Variants in ABCC11 observed in about 807,000 individuals in gnomAD.
The protein encoded by ABCC11 is ATP binding cassette subfamily C member 11, also known as ATP-binding cassette sub-family C member 11.
ABCC11 carries 135 observed loss-of-function variants against 149.3 expected under a neutral mutation model. The ratio of observed to expected loss-of-function variants is 0.90; its 90% CI spans 0.79 to 1.04. ABCC11 has a LOEUF of 1.04. Among genes scored for constraint, ABCC11 ranks in the 50% least tolerant of loss-of-function variants. The probability of loss-of-function intolerance (pLI) is 0.00; values close to 1 mark genes in which losing one functional copy is unlikely to be tolerated. For missense variants in ABCC11, 1,680 were observed against 1,722.1 expected (o/e 0.98, Z 0.43); for synonymous variants, 665 against 671.4 (o/e 0.99, Z 0.15).
chr16:48,196,984 G>A (rs1005554070), intron 17 of ABCC11, among the ~76,000 whole-genome samples: 11 of 148,704 alleles, frequency 7.4e-5, no homozygotes, highest in Middle Eastern at 3.4e-3. Flanking sequence ...AATCCTGAGG[G>A]AAATTACACC....
chr16:48,216,174 G>A lies in ABCC11; in HGVS notation c.891C>T (p.Phe297=). 6.2e-7 allele frequency: 1 copy of A among 1,614,194 alleles called. No individual in the cohort carries two copies. The highest frequency in any genetic ancestry group is 8.5e-7 in the Non-Finnish European group (1 of 1,180,022). ...SLVICSISSY[F]IIGYTAFIAI... ...CAATAAATGCAGTGTATCCAATAAT[G>A]AAGTAGGAAGAAATGCTGCAGATGA... is the stretch of plus-strand genomic sequence containing the variant. Residue 297 remains phenylalanine, a synonymous_variant, in exon 7 of 30, where the codon TTC becomes TTT. Coordinates refer to ENST00000356608, the MANE Select transcript of ABCC11 (RefSeq NM_001370497.1).
In ABCC11 at chr16:48,205,329, T is replaced by C. The variant is rs958707688; in HGVS notation, c.1805+84A>G. On this transcript the variant is annotated intron_variant, in intron 13 of 29. Transcript: ENST00000356608. ...AAGTGGAGCACACAAGTGTTAGCAGTTGTCAGGTTACCGTTTGAAGCTGGA... is the reference window on the plus strand; with the variant it reads ...AAGTGGAGCACACAAGTGTTAGCAGCTGTCAGGTTACCGTTTGAAGCTGGA... The C allele has an allele frequency of 3.2e-6, 5 of 1,565,566 alleles. No homozygotes were observed. In the Admixed American group the frequency reaches 8.6e-5, roughly 27 times the overall value.
chr16:48,198,688 T>C (rs555422075), intron 15 of ABCC11, among the ~76,000 whole-genome samples: 1 of 152,042 alleles, frequency 6.6e-6, no homozygotes, highest in East Asian at 1.9e-4. Flanking sequence ...CTGTTCATCT[T>C]GGAGAAATAA....
intron 1 of ABCC11, among the ~76,000 whole-genome samples, chr16:48,241,144 C>T (rs941380548): frequency 6.6e-6 from 1 of 152,150 alleles, no homozygotes; most frequent in Non-Finnish European, 1.5e-5. Flanking sequence ...CCATGTTAGC[C>T]AGTCTGGTCT....
intron 12 of ABCC11, among the ~76,000 whole-genome samples, chr16:48,206,999 G>A (rs1968504189): frequency 6.6e-6 from 1 of 152,116 alleles, no homozygotes; most frequent in South Asian, 2.1e-4. Flanking sequence ...ACCGGGGAAA[G>A]GCCATTCCAC....
chr16:48,187,008 G>C lies in ABCC11; in HGVS notation c.3016C>G (p.Leu1006Val). ...ACATGGATGGAGCTCAGGCCTTGCA[G>C]AGAATTGAGGATGTGGGAGAATAAA... Reference protein sequence around the residue: ...SPLFSHILNSLQGLSSIHVYG... With the variant: ...SPLFSHILNSVQGLSSIHVYG... Residue 1006 changes from leucine (L) to valine (V), a missense_variant, in exon 22 of 30, where the codon CTG (leucine) becomes GTG (valine). Transcript: ENST00000356608. The C allele has an allele frequency of 6.2e-7, 1 of 1,614,162 alleles. No homozygotes were observed. Among genetic ancestry groups the C allele is most frequent in the Non-Finnish European group, 8.5e-7 (1 of 1,180,010 alleles).
Position 48,216,230 on chromosome 16 carries a change from G to T in ABCC11, c.835C>A (p.Pro279Thr). ...NYLFEGVCYG[P>T]LVLITCASLV... Reference sequence around the variant, plus strand: ...GATGCGCAGGTGATCAGTACTAGGGGTCCATAGCACACCCCTTCAAACAGG... The same window carrying T: ...GATGCGCAGGTGATCAGTACTAGGGTTCCATAGCACACCCCTTCAAACAGG... Residue 279 changes from proline to threonine, a missense_variant, in exon 7 of 30, where the codon CCC (proline) becomes ACC (threonine). Transcript: ENST00000356608. 1 of 1,614,110 alleles carries T rather than the reference G, an allele frequency of 6.2e-7. No homozygotes were observed. Among genetic ancestry groups the T allele is most frequent in the Non-Finnish European group, 8.5e-7 (1 of 1,180,004 alleles).
intron 26 of ABCC11, among the ~76,000 whole-genome samples, chr16:48,172,814 C>A: frequency 6.6e-6 from 1 of 152,242 alleles, no homozygotes; most frequent in Non-Finnish European, 1.5e-5. Flanking sequence ...TGAAAAGAAT[C>A]CTAACATCCA....
chr16:48,232,029 T>C, intron 1 of ABCC11, 90 bp from the exon 2 acceptor site: 2 of 1,567,128 alleles, frequency 1.3e-6, no homozygotes, highest in Admixed American at 1.8e-5. Context: ...GAGGGGGCAC[T>C]ACCCTGCAGG....
intron 3 of ABCC11, among the ~76,000 whole-genome samples, 190 bp downstream of exon 3, chr16:48,230,247 T>C (rs995165896): frequency 7.9e-5 from 12 of 152,216 alleles, no homozygotes; most frequent in Non-Finnish European, 1.8e-4. Flanking sequence ...CAATGATCCT[T>C]TCTGTATGAA....
At chr16:48,172,642 C>T (rs1448224162) in intron 26 of ABCC11, among the ~76,000 whole-genome samples, 2 of 152,158 alleles carry the variant, frequency 1.3e-5, no homozygotes, top group Non-Finnish European at 2.9e-5. Context: ...TCCATGGTCT[C>T]TGCACAATTT....
intron 22 of ABCC11, among the ~76,000 whole-genome samples, chr16:48,186,057 G>C (rs964545381): frequency 2.0e-5 from 3 of 152,118 alleles, no homozygotes; most frequent in Non-Finnish European, 4.4e-5. Flanking sequence ...CTTGGGGCAG[G>C]GTTCTCAGTG....
rs1965991582 is a variant in ABCC11, at chr16:48,175,423, G to C, written c.3539-6C>G. On this transcript the variant is annotated splice_polypyrimidine_tract_variant and splice_region_variant and intron_variant, in intron 25 of 29. Coordinates refer to ENST00000356608, the MANE Select transcript of ABCC11 (RefSeq NM_001370497.1). ...CATGCCCAAGGAGGACTTCCCTGTG[G>C]GGCAAGAAACAAGCGGGGCCTCAGT... The C allele has an allele frequency of 5.0e-6, 8 of 1,601,710 alleles. No homozygotes were observed. Among genetic ancestry groups the C allele is most frequent in the African/African-American group, 1.3e-5 (1 of 74,848 alleles).
intron 1 of ABCC11, chr16:48,244,197 C>T: frequency 2.0e-6 from 1 of 510,324 alleles, no homozygotes; most frequent in Non-Finnish European, 3.4e-6. Flanking sequence ...AGGTAGGACG[C>T]TCAAGTCTTA....
intron 6 of ABCC11, among the ~76,000 whole-genome samples, chr16:48,219,671 T>C (rs1398412255): frequency 2.6e-5 from 4 of 152,174 alleles, no homozygotes; most frequent in Admixed American, 6.5e-5. Context: ...AAAAGAAAAT[T>C]TTTTAATTAA....
intron 28 of ABCC11, among the ~76,000 whole-genome samples, chr16:48,168,004 G>A (rs181312310): frequency 6.6e-6 from 1 of 152,280 alleles, no homozygotes; most frequent in Admixed American, 6.5e-5. Context: ...GAAGGGGCAG[G>A]CACACACCCC....
At chr16:48,182,367 T>C (rs927825571) in intron 23 of ABCC11, among the ~76,000 whole-genome samples, 3 of 151,964 alleles carry the variant, frequency 2.0e-5, no homozygotes, top group African/African-American at 7.2e-5. Context: ...GGGAGTGCAA[T>C]AACAGCTGGG....
intron 23 of ABCC11, among the ~76,000 whole-genome samples, chr16:48,180,249 T>G (rs1341657235): frequency 2.0e-5 from 3 of 152,242 alleles, no homozygotes; most frequent in African/African-American, 7.2e-5. Context: ...TCTTGAAAAC[T>G]TCTCTTTGCT....
chr16:48,196,874 A>T (rs1967467932), intron 17 of ABCC11, among the ~76,000 whole-genome samples: 1 of 152,192 alleles, frequency 6.6e-6, no homozygotes, highest in Non-Finnish European at 1.5e-5. Flanking sequence ...AACAACAAAC[A>T]TCACGACAGT....
Sources: allele counts gnomAD v4.1 joint callset (sites outside exome capture counted in the v4.1 genomes callset), GRCh38; gene constraint gnomAD v4.1.1; transcripts MANE v1.5; gene names NCBI Gene and HGNC (gene_info 2026-07-23, HGNC 2026-07-21).